Variants in ZNRF1 observed in about 807,000 individuals in gnomAD.
The protein encoded by ZNRF1 is E3 ubiquitin-protein ligase ZNRF1.
In ZNRF1, 3 loss-of-function variants were observed where a neutral mutation model predicts 18.4. That is an observed-to-expected ratio of 0.16 (90% CI 0.07 to 0.42). ZNRF1 has a LOEUF of 0.42. ZNRF1 is among the 10% of genes least tolerant of loss of function. ZNRF1 has a pLI of 0.99. For synonymous variants in ZNRF1, 157 were observed against 144.2 expected (o/e 1.09, Z -0.64); for missense variants, 310 against 329.8 (o/e 0.94, Z 0.47).
chr16:75,047,708 C>A (rs537982625), intron 1 of ZNRF1, among the ~76,000 whole-genome samples: 1 of 152,236 alleles, frequency 6.6e-6, no homozygotes, highest in South Asian at 2.1e-4. Flanking sequence ...ACAGCTGTTT[C>A]CTCCTTTTAA....
chr16:75,008,161 G>GAAGCCA (rs1186166953), intron 1 of ZNRF1, among the ~76,000 whole-genome samples: 1 of 152,280 alleles, frequency 6.6e-6, no homozygotes, highest in African/African-American at 2.4e-5. Context: ...TTATAAGTGT[G>GAAGCCA]AAGCCACTGT....
chr16:75,031,546 C>T (rs954020917), intron 1 of ZNRF1, among the ~76,000 whole-genome samples: 4 of 151,946 alleles, frequency 2.6e-5, no homozygotes, highest in African/African-American at 7.3e-5. Context: ...CTCACTTTGT[C>T]CCCCAGGCTG....
At chr16:75,095,690 T>C in intron 2 of ZNRF1, 2 of 1,549,584 alleles carry the variant, frequency 1.3e-6, no homozygotes, top group Non-Finnish European at 1.7e-6. Flanking sequence ...GACAGAGTGC[T>C]CTTGGGCCCC....
intron 1 of ZNRF1, among the ~76,000 whole-genome samples, chr16:75,037,497 C>G (rs1018846901): frequency 2.6e-5 from 4 of 152,058 alleles, no homozygotes; most frequent in African/African-American, 4.8e-5. Context: ...ACCACCATGC[C>G]TGGTTAATTT....
chr16:75,004,711 T>C (rs2034896143), intron 1 of ZNRF1, among the ~76,000 whole-genome samples: 1 of 152,212 alleles, frequency 6.6e-6, no homozygotes, highest in Admixed American at 6.5e-5. Context: ...ACTCTTGGGC[T>C]CAAGCCGTCT....
At chr16:75,051,675 G>A (rs12932065) in intron 1 of ZNRF1, among the ~76,000 whole-genome samples, 2 of 151,844 alleles carry the variant, frequency 1.3e-5, no homozygotes, top group East Asian at 1.9e-4. Flanking sequence ...GTGCCACCAC[G>A]CCCAACTAAT....
chr16:75,004,650 G>T (rs1303868575), intron 1 of ZNRF1, among the ~76,000 whole-genome samples: 1 of 152,148 alleles, frequency 6.6e-6, no homozygotes. Flanking sequence ...GTCTTGCTCT[G>T]TTGCCCAGGC....
intron 1 of ZNRF1, among the ~76,000 whole-genome samples, chr16:75,008,614 G>T (rs1369844552): frequency 6.6e-6 from 1 of 152,004 alleles, no homozygotes; most frequent in Non-Finnish European, 1.5e-5. Flanking sequence ...ATGATCTGTT[G>T]AACAAAAACG....
intron 3 of ZNRF1, chr16:75,105,437 T>G (rs59018362): frequency 0.023 from 3,577 of 153,414 alleles, 156 homozygotes; most frequent in African/African-American, 0.083. Context: ...AGCCTCGTCC[T>G]TGTTTCCAGC....
chr16:75,068,127 G>C (rs1311395380), intron 1 of ZNRF1, among the ~76,000 whole-genome samples: 2 of 150,698 alleles, frequency 1.3e-5, no homozygotes, highest in Non-Finnish European at 2.9e-5. Flanking sequence ...GCTTAGGTGG[G>C]AGTATCACTT....
intron 1 of ZNRF1, among the ~76,000 whole-genome samples, chr16:75,068,248 C>T (rs1450386712): frequency 6.7e-6 from 1 of 149,804 alleles, no homozygotes. Flanking sequence ...CCTGTAGTCT[C>T]AGCTACTCCA....
chr16:75,101,399 C>G (rs191170797), intron 2 of ZNRF1, among the ~76,000 whole-genome samples: 28 of 152,122 alleles, frequency 1.8e-4, no homozygotes, highest in Admixed American at 1.8e-3. Flanking sequence ...ACTAAAAACA[C>G]AAAAATTAGC....
intron 2 of ZNRF1, among the ~76,000 whole-genome samples, chr16:75,098,499 T>C (rs1284914383): frequency 6.6e-6 from 1 of 152,226 alleles, no homozygotes; most frequent in East Asian, 1.9e-4. Flanking sequence ...GGTCACCCTG[T>C]TGCCTGAAGA....
chr16:75,104,635 A>C (rs992241627), intron 2 of ZNRF1, 149 bp from the exon 3 acceptor site: 2 of 601,104 alleles, frequency 3.3e-6, no homozygotes, highest in Admixed American at 3.1e-5. Flanking sequence ...CTTAAGGTCA[A>C]CGTCCCTCTT....
chr16:75,045,193 C>T (rs112884481), intron 1 of ZNRF1, among the ~76,000 whole-genome samples: 2 of 152,194 alleles, frequency 1.3e-5, no homozygotes, highest in Non-Finnish European at 2.9e-5. Context: ...TTAACCCACA[C>T]CCATGCAAAC....
In ZNRF1 at chr16:75,024,008, C is replaced by A. The variant is rs978557081; in HGVS notation, c.424+23913C>A. On this transcript the variant is annotated intron_variant, in intron 1 of 4. Transcript: ENST00000335325. Reference sequence around the variant, plus strand: ...GACTCAGCCTCCCCAGTAGCTAGGACTACAGGTGCGTGCCACCACACCTGG... The same window carrying A: ...GACTCAGCCTCCCCAGTAGCTAGGAATACAGGTGCGTGCCACCACACCTGG... 2.0e-5 allele frequency among the ~76,000 whole-genome samples: 3 copies of A among 151,770 alleles called. No individual in the cohort carries two copies. In the East Asian group the frequency reaches 5.9e-4, roughly 30 times the overall value.
In ZNRF1 at chr16:75,010,701, G is replaced by GTTTTTTTTTTTTTTTTT. The variant is rs1334552920; in HGVS notation, c.424+10615_424+10616insTTTTTTTTTTTTTTTTT. On this transcript the variant is annotated intron_variant, in intron 1 of 4. Coordinates refer to ENST00000335325, the MANE Select transcript of ZNRF1 (RefSeq NM_032268.5). ...AAATTAGTCACCTCTGTACTGTACT[G>GTTTTTTTTTTTTTTTTT]TTTTTTTTTGTTTTTTTGTTTTTTT... Among the ~76,000 whole-genome samples the GTTTTTTTTTTTTTTTTT allele has an allele frequency of 3.4e-4, 22 of 63,802 alleles. 1 individual carries two copies. The highest frequency in any genetic ancestry group is 5.8e-4 in the African/African-American group (13 of 22,322). 41.9% of individuals were successfully genotyped at this position (63,802 alleles called of 152,430 possible).
intron 1 of ZNRF1, among the ~76,000 whole-genome samples, chr16:75,088,456 T>C (rs1034880975): frequency 1.3e-5 from 2 of 152,202 alleles, no homozygotes; most frequent in African/African-American, 4.8e-5. Context: ...GAAAAAAAAG[T>C]GTCCATTGTT....
intron 1 of ZNRF1, among the ~76,000 whole-genome samples, chr16:75,050,607 G>A (rs1465729477): frequency 2.0e-5 from 3 of 151,554 alleles, no homozygotes; most frequent in East Asian, 1.9e-4. Flanking sequence ...GGTGGCTCAC[G>A]CCTGTAATCC....
Sources: allele counts gnomAD v4.1 joint callset (sites outside exome capture counted in the v4.1 genomes callset), GRCh38; gene constraint gnomAD v4.1.1; transcripts MANE v1.5; gene names NCBI Gene and HGNC (gene_info 2026-07-23, HGNC 2026-07-21).